The following SHISAL2B variants were observed in gnomAD, a reference collection of about 807,000 sequenced individuals.
The protein encoded by SHISAL2B is shisa like 2B.
Under a neutral mutation model 16.5 loss-of-function variants are expected in SHISAL2B, and 12 were observed. The ratio of observed to expected loss-of-function variants is 0.73; its 90% confidence interval spans 0.47 to 1.18. The LOEUF is 1.18. Ranked by LOEUF, SHISAL2B falls within the 50% of genes most tolerant of loss-of-function variation. The pLI, the probability that SHISAL2B is intolerant of heterozygous loss-of-function variation, is 0.00. For missense variants in SHISAL2B, 183 were observed against 193.6 expected, an observed-to-expected ratio of 0.95 and a Z score of 0.33; for synonymous variants, 72 against 75.0, an observed-to-expected ratio of 0.96 and a Z score of 0.21.
intron 2 of SHISAL2B, among the ~76,000 whole-genome samples, chr5:64,698,576 C>T (rs1226860335): frequency 1.3e-5 from 2 of 152,160 alleles, no homozygotes; most frequent in African/African-American, 2.4e-5. Context: ...AAGTTACCTT[C>T]CCAGGAGCTC....
chr5:64,717,844 C>T (rs1742078589), intron 2 of SHISAL2B, 45 bp from the exon 3 acceptor site: 3 of 1,464,276 alleles, frequency 2.0e-6, no homozygotes, highest in Non-Finnish European at 2.7e-6. Flanking sequence ...ATAAGTGAAA[C>T]GATGTCATAA....
Position 64,690,781 on chromosome 5 carries a change from T to A in SHISAL2B, c.158T>A (p.Phe53Tyr). The A allele has an allele frequency of 6.5e-7, 1 of 1,544,676 alleles. No homozygotes were observed. The highest frequency in any genetic ancestry group is 8.7e-7 in the Non-Finnish European group (1 of 1,152,118). The change falls in exon 1 of 3, where the codon TTC (phenylalanine) becomes TAC (tyrosine). Residue 53 changes from phenylalanine (F) to tyrosine (Y), a missense_variant. Physicochemically the swap from Phe to Tyr is conservative, Grantham distance 22. Coordinates refer to ENST00000389074, the MANE Select transcript of SHISAL2B (RefSeq NM_001164442.2). ...TGCTGCAGCGAGCCGGGCAGCTACTTCCCCTACAAGCACAGCTACATGTGG... is the reference window on the plus strand; with the variant it reads ...TGCTGCAGCGAGCCGGGCAGCTACTACCCCTACAAGCACAGCTACATGTGG... ...KYCCSEPGSY[F>Y]PYKHSYMWSL... is the part of the protein sequence containing the mutation.
chr5:64,709,741 G>C (rs1335857136), intron 2 of SHISAL2B, among the ~76,000 whole-genome samples: 5 of 151,530 alleles, frequency 3.3e-5, no homozygotes, highest in South Asian at 4.2e-4. Context: ...TAACTGGTGT[G>C]AGATGGTATC....
At chr5:64,712,300 A>T (rs1444556440) in intron 2 of SHISAL2B, among the ~76,000 whole-genome samples, 2 of 152,104 alleles carry the variant, frequency 1.3e-5, no homozygotes, top group Admixed American at 6.5e-5. Flanking sequence ...TTATGTACCC[A>T]GTAGTCATTC....
chr5:64,708,319 G>C (rs7736890), intron 2 of SHISAL2B, among the ~76,000 whole-genome samples: 9,373 of 152,112 alleles, frequency 0.062, 974 homozygotes, highest in African/African-American at 0.21. Context: ...ACCCAAGTTA[G>C]AATTTGACTT....
Position 64,690,806 on chromosome 5 carries a change from G to A in SHISAL2B, c.183G>A (p.Trp61Ter). The A allele has an allele frequency of 6.5e-7, 1 of 1,531,436 alleles. No homozygotes were observed. The highest frequency in any genetic ancestry group is 8.7e-7 in the Non-Finnish European group (1 of 1,144,756). The allele number at this position is 1,531,436 out of a possible 1,614,324, so 94.9% of individuals were successfully genotyped here. ...SYFPYKHSYM[W>*]SLSIGALIGL... The stretch of plus-strand genomic sequence containing the variant: ...TCCCCTACAAGCACAGCTACATGTG[G>A]AGCCTCAGGTGGGCTGAGAGCCCGC... The change falls in exon 1 of 3, where the codon TGG becomes TGA. Residue 61 changes from tryptophan (W) to a stop codon, truncating the protein, a stop_gained. Coordinates refer to ENST00000389074, the MANE Select transcript of SHISAL2B (RefSeq NM_001164442.2). LOFTEE classifies it high-confidence loss of function.
rs114336687 is a variant in SHISAL2B, at chr5:64,716,855, G to C, written c.350-1034G>C. 3.7e-3 allele frequency among the ~76,000 whole-genome samples: 558 copies of C among 152,278 alleles called. 2 individuals are homozygous for C. The highest frequency in any genetic ancestry group is 0.011 in the African/African-American group (478 of 41,570). On this transcript the variant is annotated intron_variant, in intron 2 of 2. Coordinates refer to ENST00000389074, the MANE Select transcript of SHISAL2B (RefSeq NM_001164442.2). ...AGACTTGGGTGAATGGAGGGTTCTC[G>C]GCAGAGGGCATGATTCAACTTATTT... is the stretch of plus-strand genomic sequence containing the variant.
chr5:64,697,716 G>A (rs970265387), intron 2 of SHISAL2B, among the ~76,000 whole-genome samples: 16 of 152,076 alleles, frequency 1.1e-4, no homozygotes, highest in African/African-American at 3.9e-4. Flanking sequence ...TATTTAGAAT[G>A]ACACACAAGT....
At chr5:64,692,789 C>T (rs978014236) in intron 1 of SHISAL2B, among the ~76,000 whole-genome samples, 7 of 152,144 alleles carry the variant, frequency 4.6e-5, no homozygotes, top group African/African-American at 1.7e-4. Flanking sequence ...CTGTGTCTGG[C>T]CCCTTCCCAT....
At chr5:64,715,030 C>T (rs369556382) in intron 2 of SHISAL2B, among the ~76,000 whole-genome samples, 12 of 152,052 alleles carry the variant, frequency 7.9e-5, no homozygotes, top group South Asian at 4.1e-4. Flanking sequence ...AGCTGTAGAC[C>T]GGAGCTGTTA....
chr5:64,712,687 G>C (rs1424128363), intron 2 of SHISAL2B, among the ~76,000 whole-genome samples: 1 of 151,952 alleles, frequency 6.6e-6, no homozygotes, highest in Non-Finnish European at 1.5e-5. Flanking sequence ...TCTCTTTGTA[G>C]GTCACTCAGG....
intron 2 of SHISAL2B, among the ~76,000 whole-genome samples, chr5:64,711,498 T>C (rs1287141167): frequency 1.4e-3 from 166 of 116,856 alleles, no homozygotes; most frequent in African/African-American, 5.8e-3. Flanking sequence ...TCTAAAATTC[T>C]CTTTTTTGGT....
chr5:64,693,728 G>T (rs1262363885), intron 1 of SHISAL2B, among the ~76,000 whole-genome samples: 1 of 152,090 alleles, frequency 6.6e-6, no homozygotes, highest in Non-Finnish European at 1.5e-5. Context: ...GTACAAAAGA[G>T]GAGTCGCCAA....
chr5:64,699,077 A>G (rs1373768810), intron 2 of SHISAL2B, among the ~76,000 whole-genome samples: 1 of 152,222 alleles, frequency 6.6e-6, no homozygotes, highest in Non-Finnish European at 1.5e-5. Flanking sequence ...TCTTGTCACT[A>G]TTGAGTGAAG....
At chr5:64,709,074 A>G (rs1370399939) in intron 2 of SHISAL2B, among the ~76,000 whole-genome samples, 1 of 149,090 alleles carries the variant, frequency 6.7e-6, no homozygotes, top group South Asian at 2.1e-4. Flanking sequence ...TTTAGGGTAC[A>G]TGTGCACATT....
chr5:64,717,608 CCTT>C (rs1742075595), intron 2 of SHISAL2B, among the ~76,000 whole-genome samples: 1 of 152,122 alleles, frequency 6.6e-6, no homozygotes, highest in African/African-American at 2.4e-5. Flanking sequence ...GAAATTGTTA[CCTT>C]CTTATCAGAT....
At chr5:64,703,984 TA>T (rs199564504) in intron 2 of SHISAL2B, among the ~76,000 whole-genome samples, 1 of 151,786 alleles carries the variant, frequency 6.6e-6, no homozygotes, top group Non-Finnish European at 1.5e-5. Flanking sequence ...CTCTTACAAA[TA>T]AAAAAAACAC....
intron 2 of SHISAL2B, among the ~76,000 whole-genome samples, chr5:64,706,187 G>A (rs969622135): frequency 6.6e-6 from 1 of 152,184 alleles, no homozygotes. Flanking sequence ...TGTAAGATGT[G>A]CATTGGTTTG....
intron 2 of SHISAL2B, among the ~76,000 whole-genome samples, chr5:64,717,005 G>A (rs1282080454): frequency 1.3e-5 from 2 of 152,206 alleles, no homozygotes; most frequent in African/African-American, 2.4e-5. Flanking sequence ...CTGATGGATT[G>A]CATGTAGGGT....
Sources: gnomAD v4.1 joint callset for allele counts (sites outside exome capture counted in the v4.1 genomes callset) on GRCh38, gnomAD v4.1.1 for gene constraint, MANE v1.5 for transcripts, NCBI Gene and HGNC (gene_info 2026-07-23, HGNC 2026-07-21) for gene names.